The following MUC6 variants were observed in gnomAD, a reference collection of about 807,000 sequenced individuals.
MUC6 encodes the protein mucin-6.
In MUC6, 188 loss-of-function variants were observed where a neutral mutation model predicts 201.5. The observed-to-expected ratio is 0.93, with a 90% CI of 0.83 to 1.05. The LOEUF (loss-of-function observed/expected upper bound fraction) is 1.05. MUC6 is among the 50% of genes least tolerant of loss of function. The probability of loss-of-function intolerance (pLI) is 0.00; values close to 1 mark genes in which losing one functional copy is unlikely to be tolerated. For missense variants in MUC6, 2,706 were observed against 3,256.9 expected (o/e 0.83, Z 4.12); for synonymous variants, 1,228 against 1,389.4 (o/e 0.88, Z 2.58).
intron 24 of MUC6, 73 bp downstream of exon 24, chr11:1,024,771 C>A: frequency 6.5e-7 from 1 of 1,532,504 alleles, no homozygotes; most frequent in East Asian, 2.4e-5. Flanking sequence ...TGCCTGGCTT[C>A]CCCGCCCCTT....
At position 1,013,362 on chromosome 11, in the gene MUC6, GC is replaced by G; in HGVS notation, c.*93del. The G allele has an allele frequency of 1.5e-6, 2 of 1,338,240 alleles. No individual in the cohort carries two copies. Among genetic ancestry groups the G allele is most frequent in the Non-Finnish European group, 2.0e-6 (2 of 989,352 alleles). 82.9% of individuals were successfully genotyped at this position (1,338,240 alleles called of 1,614,324 possible). On this transcript the variant is annotated 3_prime_UTR_variant, in exon 33 of 33. Coordinates refer to ENST00000421673, the MANE Select transcript of MUC6 (RefSeq NM_005961.3). ...GGGGCCAGGCCTGGTGACCAGGAAA[GC>G]AGCTGCTGGCACAAGCGGGAAGGGG...
intron 1 of MUC6, among the ~76,000 whole-genome samples, chr11:1,034,837 C>T (rs1461795875): frequency 6.6e-6 from 1 of 152,104 alleles, no homozygotes; most frequent in African/African-American, 2.4e-5. Flanking sequence ...ACCCCCTGCG[C>T]CCCCCGCCGC....
intron 24 of MUC6, 79 bp downstream of exon 24, chr11:1,024,765 T>C: frequency 5.3e-6 from 8 of 1,520,340 alleles, no homozygotes; most frequent in Non-Finnish European, 7.1e-6. Context: ...GAACCGTGCC[T>C]GGCTTCCCCG....
intron 2 of MUC6, among the ~76,000 whole-genome samples, chr11:1,032,454 G>A (rs1330543356): frequency 6.6e-6 from 1 of 151,706 alleles, no homozygotes; most frequent in Admixed American, 6.6e-5. Context: ...GCATGCACAT[G>A]TGTGTTTGTG....
intron 7 of MUC6, 31 bp from the exon 8 acceptor site, chr11:1,030,366 T>TGGCCCCCCCCCCCCCCCCCCCCCC: frequency 3.4e-6 from 5 of 1,489,580 alleles, no homozygotes; most frequent in East Asian, 2.5e-5. Flanking sequence ...GGTGAGAGGG[T>TGGCCCCCCCCCCCCCCCCCCCCCC]CCCACCCCCC....
intron 1 of MUC6, among the ~76,000 whole-genome samples, chr11:1,035,335 A>C (rs1857193478): frequency 6.6e-6 from 1 of 152,086 alleles, no homozygotes; most frequent in Non-Finnish European, 1.5e-5. Flanking sequence ...GGCCCGAGGG[A>C]CTAGGGGTCG....
At position 1,026,326 on chromosome 11, in the gene MUC6, C is replaced by T; in HGVS notation, c.2546+1G>A. On this transcript the variant is annotated splice_donor_variant, in intron 20 of 32. Coordinates refer to ENST00000421673, the MANE Select transcript of MUC6 (RefSeq NM_005961.3). LOFTEE classifies it high-confidence loss of function. Reference sequence around the variant, plus strand: ...GCGTCTGAAGCGAGGCTTTGTCTCACCAGGTCCTGCAGTCAGTGTGGAGCT... The same window carrying T: ...GCGTCTGAAGCGAGGCTTTGTCTCATCAGGTCCTGCAGTCAGTGTGGAGCT... 1 of 1,573,146 alleles carries T rather than the reference C, an allele frequency of 6.4e-7. No homozygotes were observed. The highest frequency in any genetic ancestry group is 8.6e-7 in the Non-Finnish European group (1 of 1,159,800).
In MUC6 at chr11:1,018,627, T is replaced by A. The variant is rs749044104; in HGVS notation, c.4174A>T (p.Arg1392Ter). 2.5e-6 allele frequency: 4 copies of A among 1,613,518 alleles called. No homozygotes were observed. Among genetic ancestry groups the A allele is most frequent in the Non-Finnish European group, 3.4e-6 (4 of 1,179,724 alleles). The change falls in exon 31 of 33, where the codon AGA (arginine) becomes TGA (stop). Residue 1392 changes from arginine to a stop codon, truncating the protein, a stop_gained. Transcript: ENST00000421673. LOFTEE classifies it high-confidence loss of function. ...GGCGTTGTGTATTCAGTAGTCGTTC[T>A]TGTTTGAGTGGTCTCTGTGGCTGTG... ...RPTATETTQT[R>*]TTTEYTTPQT... is the part of the protein sequence containing the mutation.
chr11:1,030,899 G>A (rs1438833305), intron 6 of MUC6, 48 bp downstream of exon 6: 11 of 1,537,178 alleles, frequency 7.2e-6, no homozygotes, highest in African/African-American at 6.9e-5. Flanking sequence ...TGGTCTCGGC[G>A]ACCCTGTCAG....
At chr11:1,030,366 T>TGGCCCCCCCCCCCCCCCCCCCC in intron 7 of MUC6, 31 bp from the exon 8 acceptor site, 1 of 1,489,578 alleles carries the variant, frequency 6.7e-7, no homozygotes, top group Non-Finnish European at 9.1e-7. Flanking sequence ...GGTGAGAGGG[T>TGGCCCCCCCCCCCCCCCCCCCC]CCCACCCCCC....
chr11:1,026,329 G>T lies in MUC6; in HGVS notation c.2544C>A (p.Thr848=). ...GGAELHTDCR[T]CSCSRGRWAC... is the part of the protein sequence containing the mutation. The stretch of plus-strand genomic sequence containing the variant: ...TCTGAAGCGAGGCTTTGTCTCACCA[G>T]GTCCTGCAGTCAGTGTGGAGCTCAG... Residue 848 remains threonine (T), a splice_region_variant and synonymous_variant, in exon 20 of 33, where the codon ACC becomes ACA. Transcript: ENST00000421673. The T allele has an allele frequency of 6.3e-7, 1 of 1,576,174 alleles. No homozygotes were observed.
intron 26 of MUC6, among the ~76,000 whole-genome samples, chr11:1,022,995 TAA>T (rs1330821333): frequency 1.3e-5 from 2 of 151,238 alleles, no homozygotes; most frequent in Non-Finnish European, 2.9e-5. Flanking sequence ...TGTGGGTGAG[TAA>T]ATGTGTGAAT....
chr11:1,030,366 T>TGGCCCCCCCCCCCCCCCCCCCCCCC, intron 7 of MUC6, 31 bp from the exon 8 acceptor site: 4 of 1,489,572 alleles, frequency 2.7e-6, no homozygotes, highest in Admixed American at 2.0e-5. Context: ...GGTGAGAGGG[T>TGGCCCCCCCCCCCCCCCCCCCCCCC]CCCACCCCCC....
intron 6 of MUC6, 67 bp from the exon 7 acceptor site, chr11:1,030,847 G>T: frequency 6.5e-7 from 1 of 1,527,274 alleles, no homozygotes. Context: ...TGGGGAGGTC[G>T]GGCAGGGCGT....
At chr11:1,036,491 A>G (rs964560722) in intron 1 of MUC6, 113 bp downstream of exon 1, 2 of 1,235,320 alleles carry the variant, frequency 1.6e-6, no homozygotes, top group Non-Finnish European at 2.2e-6. Flanking sequence ...CCTCCCGTCC[A>G]TCAGCGTCCA....
rs765994180 is a variant in MUC6 at position 1,024,029 on chromosome 11, ACACT to A, written c.3296_3299del (p.Glu1099ValfsTer124). On this transcript the variant is annotated frameshift_variant, in exon 25 of 33. Coordinates refer to ENST00000421673, the MANE Select transcript of MUC6 (RefSeq NM_005961.3). LOFTEE classifies it high-confidence loss of function. ...CGTAGGCAGCCACGGCATCGCACAG[ACACT>A]CACAGTCCCCGCCACTGTCACACCC... 4.3e-5 allele frequency: 70 copies of A among 1,611,628 alleles called. No individual in the cohort carries two copies. Among genetic ancestry groups the A allele is most frequent in the African/African-American group, 5.3e-5 (4 of 75,018 alleles).
chr11:1,026,803 G>A, intron 19 of MUC6, 138 bp downstream of exon 19: 1 of 964,744 alleles, frequency 1.0e-6, no homozygotes, highest in Non-Finnish European at 1.5e-6. Context: ...TGGCCACAGG[G>A]CCGCTTCCAC....
At chr11:1,015,313 G>A (rs1424544247) in intron 31 of MUC6, among the ~76,000 whole-genome samples, 1 of 152,236 alleles carries the variant, frequency 6.6e-6, no homozygotes, top group Admixed American at 6.5e-5. Flanking sequence ...CCTTTGGGGC[G>A]AGGCAGGGGA....
At position 1,028,392 on chromosome 11, in the gene MUC6, G is replaced by T; in HGVS notation, c.1592-5C>A. On this transcript the variant is annotated splice_region_variant and splice_polypyrimidine_tract_variant and intron_variant, in intron 13 of 32. Transcript: ENST00000421673. ...CGTTGAAGTTGCCGCAGAGCCCTGA[G>T]CCGGCGGGGCGTGAGCTCGACTTGA... 1 of 1,611,240 alleles carries T rather than the reference G, an allele frequency of 6.2e-7. No individual in the cohort carries two copies. Among genetic ancestry groups the T allele is most frequent in the Non-Finnish European group, 8.5e-7 (1 of 1,179,574 alleles).
Sources: gnomAD v4.1 joint callset for allele counts (sites outside exome capture counted in the v4.1 genomes callset) on GRCh38, gnomAD v4.1.1 for gene constraint, MANE v1.5 for transcripts, NCBI Gene and HGNC (gene_info 2026-07-23, HGNC 2026-07-21) for gene names.